Variants in KCTD16 observed in about 807,000 individuals in gnomAD.
KCTD16 encodes the protein BTB/POZ domain-containing protein KCTD16.
Under a neutral mutation model 33.2 loss-of-function variants are expected in KCTD16, and 13 were observed. The observed-to-expected ratio is 0.39, with a 90% confidence interval of 0.25 to 0.62. KCTD16 has a LOEUF of 0.62. Among genes scored for constraint, KCTD16 ranks in the 20% least tolerant of loss-of-function variants. The pLI, the probability that KCTD16 is intolerant of heterozygous loss-of-function variation, is 0.50. For missense variants in KCTD16, 441 were observed against 525.1 expected, an observed-to-expected ratio of 0.84 and a Z score of 1.57; for synonymous variants, 197 against 195.3, an observed-to-expected ratio of 1.01 and a Z score of -0.07.
At chr5:144,392,541 G>A (rs1021467374) in intron 3 of KCTD16, among the ~76,000 whole-genome samples, 7 of 152,170 alleles carry the variant, frequency 4.6e-5, no homozygotes, top group Admixed American at 6.5e-5. Context: ...GTGAAAACAC[G>A]TAGACCAGCT....
chr5:144,260,010 G>T (rs1754962185), intron 3 of KCTD16, among the ~76,000 whole-genome samples: 1 of 152,156 alleles, frequency 6.6e-6, no homozygotes, highest in South Asian at 2.1e-4. Flanking sequence ...CCCTAAGCAG[G>T]TTGCATTTCA....
chr5:144,240,012 C>A (rs1488182336), intron 3 of KCTD16, among the ~76,000 whole-genome samples: 1 of 152,092 alleles, frequency 6.6e-6, no homozygotes, highest in African/African-American at 2.4e-5. Context: ...AAGATCTTTA[C>A]CTGGATTACC....
intron 2 of KCTD16, among the ~76,000 whole-genome samples, chr5:144,195,287 G>A (rs1752920182): frequency 6.6e-6 from 1 of 152,092 alleles, no homozygotes; most frequent in Admixed American, 6.5e-5. Context: ...TTATCTTTCT[G>A]GGTTGCTGCA....
At chr5:144,465,786 GTTT>G (rs1167925399) in intron 3 of KCTD16, among the ~76,000 whole-genome samples, 2 of 131,834 alleles carry the variant, frequency 1.5e-5, no homozygotes, top group African/African-American at 3.0e-5. Context: ...TAACTTTTTT[GTTT>G]TTTTTTTTTT....
intron 3 of KCTD16, among the ~76,000 whole-genome samples, chr5:144,389,803 A>G (rs1308085546): frequency 1.3e-5 from 2 of 152,178 alleles, no homozygotes; most frequent in Non-Finnish European, 2.9e-5. Flanking sequence ...GCTGATAAAC[A>G]TTCTCTTGGT....
intron 3 of KCTD16, among the ~76,000 whole-genome samples, chr5:144,252,209 A>G (rs903556644): frequency 6.6e-6 from 1 of 152,194 alleles, no homozygotes; most frequent in South Asian, 2.1e-4. Context: ...GATCTCCAGA[A>G]CTGATTCACC....
At chr5:144,473,521 G>C in intron 3 of KCTD16, 139 bp from the exon 4 acceptor site, 1 of 829,044 alleles carries the variant, frequency 1.2e-6, no homozygotes, top group Admixed American at 2.9e-5. Flanking sequence ...GCCCACCCTG[G>C]GTGCCACCCC....
At chr5:144,445,668 T>C (rs1181869054) in intron 3 of KCTD16, among the ~76,000 whole-genome samples, 1 of 152,008 alleles carries the variant, frequency 6.6e-6, no homozygotes, top group Non-Finnish European at 1.5e-5. Context: ...GGTATAATTT[T>C]CAAAAACATA....
Position 144,474,573 on chromosome 5 carries a change from T to A in KCTD16, c.*459T>A, listed in dbSNP as rs1754553842. ...CTTTTGTTTATGGGGTTGGGGGGAA[T>A]GGCAGATTTATATGACTTTTCACTC... On this transcript the variant is annotated 3_prime_UTR_variant, in exon 4 of 4. Coordinates refer to ENST00000512467, the MANE Select transcript of KCTD16 (RefSeq NM_020768.4). 2.5e-5 allele frequency: 4 copies of A among 163,232 alleles called. No homozygotes were observed. The South Asian group carries it at 6.5e-4, about 27-fold the overall frequency. 10.1% of individuals were successfully genotyped at this position (163,232 alleles called of 1,614,324 possible).
intron 3 of KCTD16, among the ~76,000 whole-genome samples, chr5:144,456,644 A>G (rs1580979001): frequency 6.6e-6 from 1 of 152,148 alleles, no homozygotes; most frequent in Non-Finnish European, 1.5e-5. Context: ...GCATGATTCA[A>G]TGACTTCATT....
rs564082084 is a variant in KCTD16, at chr5:144,453,391, A to G, written c.833-20269A>G. ...TCTATCTTGATGCCGAAGAGAAGCG[A>G]TTTCAGCCTGAGTTTTCAGTGTCTC... is the stretch of plus-strand genomic sequence containing the variant. On this transcript the variant is annotated intron_variant, in intron 3 of 3. Coordinates refer to ENST00000512467, the MANE Select transcript of KCTD16 (RefSeq NM_020768.4). 5.3e-5 allele frequency among the ~76,000 whole-genome samples: 8 copies of G among 152,118 alleles called. No individual in the cohort carries two copies. In the South Asian group the frequency reaches 8.3e-4, roughly 16 times the overall value.
chr5:144,343,786 T>C (rs1357598302), intron 3 of KCTD16, among the ~76,000 whole-genome samples: 1 of 152,216 alleles, frequency 6.6e-6, no homozygotes, highest in Non-Finnish European at 1.5e-5. Context: ...TGTGTCTTTG[T>C]TCTCATTGGT....
chr5:144,363,092 C>T (rs1484499767), intron 3 of KCTD16, among the ~76,000 whole-genome samples: 1 of 152,114 alleles, frequency 6.6e-6, no homozygotes, highest in Admixed American at 6.5e-5. Context: ...TGGCTCATGC[C>T]TGTAATCCCA....
intron 3 of KCTD16, among the ~76,000 whole-genome samples, chr5:144,326,887 T>G (rs1263129102): frequency 6.6e-6 from 1 of 152,184 alleles, no homozygotes; most frequent in Non-Finnish European, 1.5e-5. Context: ...AGGTTTCCTG[T>G]CCCTATATTA....
intron 3 of KCTD16, among the ~76,000 whole-genome samples, chr5:144,263,672 T>C (rs1213837809): frequency 6.6e-6 from 1 of 152,212 alleles, no homozygotes; most frequent in Non-Finnish European, 1.5e-5. Flanking sequence ...ATGAAGGTCA[T>C]GTACAAATGA....
chr5:144,372,714 G>T (rs1041379506), intron 3 of KCTD16, among the ~76,000 whole-genome samples: 1 of 152,294 alleles, frequency 6.6e-6, no homozygotes, highest in Non-Finnish European at 1.5e-5. Flanking sequence ...TGGGAGGCAA[G>T]GTCTGTGTGA....
chr5:144,483,257 G>A lies in KCTD16; in HGVS notation c.*9143G>A, dbSNP rs1176342003. 2 of 151,542 alleles carry A rather than the reference G, an allele frequency of 1.3e-5. No homozygotes were observed. Among genetic ancestry groups the A allele is most frequent in the Non-Finnish European group, 2.9e-5 (2 of 67,828 alleles). The allele number at this position is 151,542 out of a possible 1,614,324, so 9.4% of individuals were successfully genotyped here. On this transcript the variant is annotated 3_prime_UTR_variant, in exon 4 of 4. Coordinates refer to ENST00000512467, the MANE Select transcript of KCTD16 (RefSeq NM_020768.4). ...TGATAGCACAAATTCAATGGTTATT[G>A]CCCTAGTGGTGCTTCACTTACCTAT... is the stretch of plus-strand genomic sequence containing the variant.
In KCTD16 at chr5:144,474,345, GTTTGT is replaced by G. The variant is rs1754548905; in HGVS notation, c.*234_*238del. Reference sequence around the variant, plus strand: ...ACAAGAAAATCTTTTTTAGTTATTTGTTTGTTTACTTCGTCCCATGTGCTAACTAT... The same window carrying G: ...ACAAGAAAATCTTTTTTAGTTATTTGTTACTTCGTCCCATGTGCTAACTAT... On this transcript the variant is annotated 3_prime_UTR_variant, in exon 4 of 4. Transcript: ENST00000512467. 4.3e-6 allele frequency: 2 copies of G among 470,016 alleles called. No homozygotes were observed. Among genetic ancestry groups the G allele is most frequent in the Non-Finnish European group, 7.6e-6 (2 of 263,660 alleles). 29.1% of individuals were successfully genotyped at this position (470,016 alleles called of 1,614,324 possible). A position where few individuals can be genotyped will look rare whatever the true frequency, so the allele number is the denominator to read the frequency against.
At chr5:144,204,818 C>A (rs1365621381) in intron 2 of KCTD16, among the ~76,000 whole-genome samples, 2 of 150,390 alleles carry the variant, frequency 1.3e-5, no homozygotes, top group Non-Finnish European at 3.0e-5. Flanking sequence ...TGGTGGCAGG[C>A]GGATGAAATA....
Sources: allele counts gnomAD v4.1 joint callset (sites outside exome capture counted in the v4.1 genomes callset), GRCh38; gene constraint gnomAD v4.1.1; transcripts MANE v1.5; gene names NCBI Gene and HGNC (gene_info 2026-07-23, HGNC 2026-07-21).